The following RAB37 variants were observed in gnomAD, a reference collection of about 807,000 sequenced individuals.
RAB37 encodes ras-related protein Rab-37.
RAB37 carries 29 observed loss-of-function variants against 33.1 expected under a neutral mutation model. The observed-to-expected ratio is 0.88, with a 90% CI of 0.65 to 1.20. The LOEUF (loss-of-function observed/expected upper bound fraction) is 1.20. Among genes scored for constraint, RAB37 ranks in the 50% most tolerant of loss-of-function variants. The pLI, the probability that RAB37 is intolerant of heterozygous loss-of-function variation, is 0.00. For missense variants in RAB37, 299 were observed against 301.1 expected (o/e 0.99, Z 0.05); for synonymous variants, 128 against 119.5 (o/e 1.07, Z -0.47).
chr17:74,693,507 G>A (rs910151068), intron 1 of RAB37, among the ~76,000 whole-genome samples: 2 of 152,172 alleles, frequency 1.3e-5, no homozygotes, highest in Non-Finnish European at 2.9e-5. Flanking sequence ...GAATGAAAGA[G>A]GAAGACCAGG....
chr17:74,727,690 A>T (rs2034322164), intron 1 of RAB37, among the ~76,000 whole-genome samples: 1 of 152,206 alleles, frequency 6.6e-6, no homozygotes, highest in Non-Finnish European at 1.5e-5. Context: ...AGTCTGAGAG[A>T]CACATTCTCA....
Position 74,743,115 on chromosome 17 carries a change from C to T in RAB37, c.247-14C>T. The stretch of plus-strand genomic sequence containing the variant: ...GCCTCCTTCTGACCATTTCTCCATC[C>T]CATCCCTTCCCAGATCTGGGACACC... On this transcript the variant is annotated splice_polypyrimidine_tract_variant and intron_variant, in intron 3 of 8. Transcript: ENST00000392613. The T allele has an allele frequency of 6.2e-7, 1 of 1,611,086 alleles. No homozygotes were observed. The highest frequency in any genetic ancestry group is 8.5e-7 in the Non-Finnish European group (1 of 1,177,844).
Position 74,675,859 on chromosome 17 carries a change from G to A in RAB37, c.72+4201G>A, listed in dbSNP as rs376420789. 1.3e-4 allele frequency among the ~76,000 whole-genome samples: 20 copies of A among 152,322 alleles called. No homozygotes were observed. The East Asian group carries it at 2.1e-3, about 16-fold the overall frequency. On this transcript the variant is annotated intron_variant, in intron 1 of 7. Coordinates refer to the RAB37 transcript ENST00000340415. Reference sequence around the variant, plus strand: ...AACTCTTAGAAGATTCCCGTAGGGTGGGCTGGAAGCTGGGAACTGACTGAA... The same window carrying A: ...AACTCTTAGAAGATTCCCGTAGGGTAGGCTGGAAGCTGGGAACTGACTGAA...
intron 1 of RAB37, among the ~76,000 whole-genome samples, chr17:74,685,337 A>C (rs2032032877): frequency 6.6e-6 from 1 of 152,128 alleles, no homozygotes; most frequent in Non-Finnish European, 1.5e-5. Context: ...AGTGTGCACC[A>C]TCACACCCAG....
chr17:74,685,546 C>G (rs1567775749), intron 1 of RAB37, among the ~76,000 whole-genome samples: 2 of 152,162 alleles, frequency 1.3e-5, no homozygotes, highest in Non-Finnish European at 1.5e-5. Flanking sequence ...TAGTTACACT[C>G]CATTTCGTAG....
In RAB37 at chr17:74,696,981, A is replaced by G. The variant is rs149560537; in HGVS notation, c.72+25323A>G. Among the ~76,000 whole-genome samples, 82 of 151,972 alleles carry G rather than the reference A, an allele frequency of 5.4e-4. No homozygotes were observed. In the East Asian group the frequency reaches 0.013, roughly 24 times the overall value. ...TTTGAGATGGAGTTTCTCTCTTGTC[A>G]CCCATGCCGGAGGGCAATGGCACCA... On this transcript the variant is annotated intron_variant, in intron 1 of 7. Transcript: ENST00000340415.
intron 1 of RAB37, among the ~76,000 whole-genome samples, chr17:74,708,593 A>G (rs2033700179): frequency 6.6e-6 from 1 of 152,232 alleles, no homozygotes; most frequent in South Asian, 2.1e-4. Flanking sequence ...GGTTTATGCC[A>G]AACACCCAAA....
At position 74,673,515 on chromosome 17, in the gene RAB37, A is replaced by G. The variant is rs377204410; in HGVS notation, c.72+1857A>G. Among the ~76,000 whole-genome samples the G allele has an allele frequency of 2.3e-4, 35 of 151,384 alleles. No individual in the cohort carries two copies. In the East Asian group the frequency reaches 5.6e-3, roughly 24 times the overall value. On this transcript the variant is annotated intron_variant, in intron 1 of 7. Coordinates refer to the RAB37 transcript ENST00000340415. ...ATGTGGGTCTCTCCAAGTTTATACC[A>G]TCCTATAAAGGTATAAATACTCATT...
At position 74,738,751 on chromosome 17, in the gene RAB37, C is replaced by T. The variant is rs976387115; in HGVS notation, c.93+1386C>T. On this transcript the variant is annotated intron_variant, in intron 1 of 8. Coordinates refer to ENST00000392613, the MANE Select transcript of RAB37 (RefSeq NM_001006638.3). The surrounding 1 kb of genome is among the most constrained non-coding windows in gnomAD (Gnocchi z 5.0). The stretch of plus-strand genomic sequence containing the variant: ...TGGCCGGAGAGTTGGTCCCCAGCCT[C>T]CCCGGGCCTGCCCCAGGGGAGTGAG... Among the ~76,000 whole-genome samples, 1 of 152,136 alleles carries T rather than the reference C, an allele frequency of 6.6e-6. No homozygotes were observed. The highest frequency in any genetic ancestry group is 1.5e-5 in the Non-Finnish European group (1 of 67,994).
intron 1 of RAB37, chr17:74,698,709 A>C: frequency 9.1e-7 from 1 of 1,099,086 alleles, no homozygotes. Flanking sequence ...CTACTTGAGG[A>C]TGGAGGGTGG....
intron 1 of RAB37, among the ~76,000 whole-genome samples, chr17:74,740,434 A>G (rs2034584564): frequency 6.6e-6 from 1 of 152,176 alleles, no homozygotes; most frequent in Non-Finnish European, 1.5e-5. Context: ...CTATGGGCAA[A>G]TGTGGCCACT....
chr17:74,718,803 A>ATG (rs1235052198), intron 1 of RAB37, among the ~76,000 whole-genome samples: 1 of 152,196 alleles, frequency 6.6e-6, no homozygotes, highest in East Asian at 1.9e-4. Context: ...TGTTAAATAT[A>ATG]TGTGTGTGTA....
Position 74,746,441 on chromosome 17 carries a change from C to G in RAB37, c.*1030C>G, listed in dbSNP as rs1598333601. Reference sequence around the variant, plus strand: ...GTTTCGCCATGTTGCCCAGGCTGGTCTTGAATTCCTGAGCTCAAGCAACCT... The same window carrying G: ...GTTTCGCCATGTTGCCCAGGCTGGTGTTGAATTCCTGAGCTCAAGCAACCT... On this transcript the variant is annotated 3_prime_UTR_variant, in exon 9 of 9. Coordinates refer to ENST00000392613, the MANE Select transcript of RAB37 (RefSeq NM_001006638.3). This position sits in a 1 kb window ranked among gnomAD's most constrained non-coding sequence, Gnocchi z 5.2. 3 of 152,444 alleles carry G rather than the reference C, an allele frequency of 2.0e-5. No individual in the cohort carries two copies. The East Asian group carries it at 5.8e-4, about 29-fold the overall frequency. The allele number at this position is 152,444 out of a possible 1,614,324, so 9.4% of individuals were successfully genotyped here. A position where few individuals can be genotyped will look rare whatever the true frequency, so the allele number is the denominator to read the frequency against.
At chr17:74,725,068 T>G (rs1048595132) in intron 1 of RAB37, among the ~76,000 whole-genome samples, 7 of 152,160 alleles carry the variant, frequency 4.6e-5, no homozygotes, top group Non-Finnish European at 1.0e-4. Flanking sequence ...CAAAATCAAG[T>G]GTGTCTAATC....
chr17:74,733,434 A>AACTTGAGGGG (rs2034417272), upstream of RAB37, among the ~76,000 whole-genome samples: 1 of 586 alleles, frequency 1.7e-3, no homozygotes, highest in Non-Finnish European at 3.1e-3. Flanking sequence ...TTGAGAGTGT[A>AACTTGAGGGG]TGTGTGTGAT....
rs1451209960 is a variant in RAB37, at chr17:74,737,814, G to A, written c.93+449G>A. 2.0e-5 allele frequency among the ~76,000 whole-genome samples: 3 copies of A among 152,128 alleles called. No individual in the cohort carries two copies. The East Asian group carries it at 5.8e-4, about 29-fold the overall frequency. ...CTCTTAGTTGAGATCTGACATCCAG[G>A]TTTAAGGCCTGATGTCCCCCAGCTG... On this transcript the variant is annotated intron_variant, in intron 1 of 8. Transcript: ENST00000392613.
At position 74,729,153 on chromosome 17, in the gene RAB37, C is replaced by T; in HGVS notation, c.73-103C>T. 1.3e-6 allele frequency: 1 copy of T among 768,816 alleles called. No homozygotes were observed. The highest frequency in any genetic ancestry group is 1.4e-5 in the South Asian group (1 of 72,018). 47.6% of individuals were successfully genotyped at this position (768,816 alleles called of 1,614,324 possible). A position where few individuals can be genotyped will look rare whatever the true frequency, so the allele number is the denominator to read the frequency against. On this transcript the variant is annotated intron_variant, in intron 1 of 7. Transcript: ENST00000340415. This position sits in a 1 kb window ranked among gnomAD's most constrained non-coding sequence, Gnocchi z 4.2. The stretch of plus-strand genomic sequence containing the variant: ...TCTGTGTGTGTGTGTGCATGTTGTG[C>T]ACATGCGTGCTTAGAAAGAATCCAC...
chr17:74,692,527 C>A (rs1395472369), intron 1 of RAB37, among the ~76,000 whole-genome samples: 1 of 152,116 alleles, frequency 6.6e-6, no homozygotes, highest in African/African-American at 2.4e-5. Context: ...GCTAAACATG[C>A]CTACAGCCTC....
chr17:74,741,904 G>A (rs1247477844), intron 2 of RAB37, among the ~76,000 whole-genome samples: 1 of 152,230 alleles, frequency 6.6e-6, no homozygotes, highest in Admixed American at 6.5e-5. Flanking sequence ...ACAGTCCCAA[G>A]GCTAGGCTCC....
Sources: gnomAD v4.1 joint callset for allele counts (sites outside exome capture counted in the v4.1 genomes callset) on GRCh38, gnomAD v4.1.1 for gene constraint, Gnocchi (gnomAD v3.1) non-coding constraint, MANE v1.5 for transcripts, NCBI Gene and HGNC (gene_info 2026-07-23, HGNC 2026-07-21) for gene names.